The following ATP1A4 variants were observed in gnomAD, a reference collection of about 807,000 sequenced individuals.
ATP1A4 encodes sodium/potassium-transporting ATPase subunit alpha-4.
A neutral mutation model predicts 114.3 loss-of-function variants in ATP1A4; 90 were observed. That is an observed-to-expected ratio of 0.79 (90% CI 0.66 to 0.94). The LOEUF (loss-of-function observed/expected upper bound fraction) is 0.94, where lower values mean the gene tolerates loss of function less well. Among genes scored for constraint, ATP1A4 ranks in the 40% least tolerant of loss-of-function variants. The pLI is 0.00. For missense variants in ATP1A4, 1,222 were observed against 1,313.6 expected (o/e 0.93, Z 1.08); for synonymous variants, 511 against 494.1 (o/e 1.03, Z -0.45).
intron 18 of ATP1A4, among the ~76,000 whole-genome samples, chr1:160,178,355 C>CAAAA (rs1291789818): frequency 8.3e-6 from 1 of 121,024 alleles, no homozygotes; most frequent in Non-Finnish European, 1.7e-5. Context: ...AACTCTGTCT[C>CAAAA]AAAAAATAAA....
At chr1:160,152,318 A>T in intron 1 of ATP1A4, 131 bp downstream of exon 1, 1 of 1,050,686 alleles carries the variant, frequency 9.5e-7, no homozygotes, top group Non-Finnish European at 1.3e-6. Context: ...CTTTGGAGGG[A>T]AGGAGAGGGT....
At position 160,163,405 on chromosome 1, in the gene ATP1A4, C is replaced by T. The variant is rs570970554; in HGVS notation, c.779-751C>T. Among the ~76,000 whole-genome samples, 57 of 152,298 alleles carry T rather than the reference C, an allele frequency of 3.7e-4. 1 individual carries two copies. In the South Asian group the frequency reaches 0.01, roughly 28 times the overall value. ...CCCAGTCACAAGTCCTAGGTTATGG[C>T]CTGGCTATAAATTGGGGTTCCCACG... On this transcript the variant is annotated intron_variant, in intron 6 of 21. Coordinates refer to ENST00000368081, the MANE Select transcript of ATP1A4 (RefSeq NM_144699.4).
Position 160,177,574 on chromosome 1 carries a change from T to G in ATP1A4, c.2646T>G (p.Asn882Lys). ...CCTACTTTGTAATCCTGGCTGAGAA[T>G]GGTTTTAGGCCTGTTGATCTGCTGG... is the stretch of plus-strand genomic sequence containing the variant. ...FFTYFVILAE[N>K]GFRPVDLLGI... The change falls in exon 18 of 22, where the codon AAT becomes AAG. Residue 882 changes from asparagine (N) to lysine (K), a missense_variant. Transcript: ENST00000368081. The G allele has an allele frequency of 3.1e-6, 5 of 1,614,136 alleles. No individual in the cohort carries two copies. Among genetic ancestry groups the G allele is most frequent in the Non-Finnish European group, 4.2e-6 (5 of 1,180,016 alleles).
chr1:160,168,543 C>T (rs553997139), intron 10 of ATP1A4, among the ~76,000 whole-genome samples: 5 of 152,034 alleles, frequency 3.3e-5, no homozygotes, highest in South Asian at 2.1e-4. Context: ...CCACCACGCC[C>T]GGCTAATTTT....
At position 160,186,173 on chromosome 1, in the gene ATP1A4, T is replaced by G. The variant is rs892500071; in HGVS notation, c.2970-103T>G. The G allele has an allele frequency of 1.6e-5, 11 of 696,576 alleles. No homozygotes were observed. In the African/African-American group the frequency reaches 2.0e-4, roughly 13 times the overall value. 43.1% of individuals were successfully genotyped at this position (696,576 alleles called of 1,614,324 possible). Reference sequence around the variant, plus strand: ...ACCCAGCACAGTCCCACGCACACAGTAGACACAAGCAATGAAACGTGCAAT... The same window carrying G: ...ACCCAGCACAGTCCCACGCACACAGGAGACACAAGCAATGAAACGTGCAAT... On this transcript the variant is annotated intron_variant, in intron 20 of 21. Coordinates refer to ENST00000368081, the MANE Select transcript of ATP1A4 (RefSeq NM_144699.4).
intron 20 of ATP1A4, 97 bp from the exon 21 acceptor site, chr1:160,186,179 C>T (rs998465058): frequency 1.6e-5 from 13 of 810,640 alleles, no homozygotes; most frequent in Non-Finnish European, 2.8e-5. Flanking sequence ...ACAGTAGACA[C>T]AAGCAATGAA....
chr1:160,161,637 C>T (rs991633266), intron 6 of ATP1A4, among the ~76,000 whole-genome samples: 5 of 152,156 alleles, frequency 3.3e-5, no homozygotes, highest in East Asian at 1.9e-4. Flanking sequence ...CTCCTCCACC[C>T]GGCCCAAAAT....
At chr1:160,169,098 C>T (rs79327143) in intron 10 of ATP1A4, among the ~76,000 whole-genome samples, 3,749 of 152,328 alleles carry the variant, frequency 0.025, 134 homozygotes, top group African/African-American at 0.086. Flanking sequence ...AGTGGTTCAC[C>T]GAGTGTGACA....
intron 6 of ATP1A4, among the ~76,000 whole-genome samples, chr1:160,160,298 C>A (rs929895629): frequency 3.3e-5 from 5 of 152,090 alleles, no homozygotes; most frequent in African/African-American, 9.7e-5. Flanking sequence ...CTCACTGCAA[C>A]CTCTGCCTCC....
At chr1:160,186,129 C>A in intron 20 of ATP1A4, 147 bp from the exon 21 acceptor site, 11 of 427,916 alleles carry the variant, frequency 2.6e-5, no homozygotes, top group East Asian at 1.6e-4. Context: ...AGATCTTATT[C>A]AACTGCACTG....
chr1:160,166,989 C>T lies in ATP1A4; in HGVS notation c.1268C>T (p.Ser423Phe), dbSNP rs373007238. ...CTAGGAAAAACATTTACCAAGAGCT[C>T]TGATACCTGGTTTATGCTGGCCCGA... ...EQTGKTFTKS[S>F]DTWFMLARIA... is the part of the protein sequence containing the mutation. The change falls in exon 9 of 22, where the codon TCT becomes TTT. Residue 423 changes from serine to phenylalanine, a missense_variant. Coordinates refer to ENST00000368081, the MANE Select transcript of ATP1A4 (RefSeq NM_144699.4). The T allele has an allele frequency of 2.5e-6, 4 of 1,614,176 alleles. No homozygotes were observed. The South Asian group carries it at 3.3e-5, about 13-fold the overall frequency.
At chr1:160,157,999 T>G (rs1359063575) in intron 4 of ATP1A4, among the ~76,000 whole-genome samples, 2 of 152,226 alleles carry the variant, frequency 1.3e-5, no homozygotes, top group Non-Finnish European at 2.9e-5. Flanking sequence ...AGCCCAGGAT[T>G]TCCTTCTCTT....
At chr1:160,177,765 C>A in intron 18 of ATP1A4, 101 bp downstream of exon 18, 1 of 1,347,366 alleles carries the variant, frequency 7.4e-7, no homozygotes, top group South Asian at 1.3e-5. Context: ...AGGGAAGCAC[C>A]ACACAAACAG....
At chr1:160,168,342 G>A (rs1653114514) in intron 10 of ATP1A4, among the ~76,000 whole-genome samples, 1 of 144,976 alleles carries the variant, frequency 6.9e-6, no homozygotes, top group South Asian at 2.3e-4. Flanking sequence ...ATGTCTCAGA[G>A]AAAATGACAA....
At chr1:160,169,091 G>C (rs2101640288) in intron 10 of ATP1A4, among the ~76,000 whole-genome samples, 1 of 152,370 alleles carries the variant, frequency 6.6e-6, no homozygotes, top group East Asian at 1.9e-4. Flanking sequence ...TGTCCTCAGT[G>C]GTTCACCGAG....
intron 2 of ATP1A4, among the ~76,000 whole-genome samples, chr1:160,153,710 C>T (rs1241287589): frequency 1.3e-5 from 2 of 152,074 alleles, no homozygotes; most frequent in East Asian, 1.9e-4. Context: ...TTTTTGCAAA[C>T]CTCTTCAATG....
chr1:160,177,782 T>A (rs2101652058), intron 18 of ATP1A4, 118 bp downstream of exon 18: 1 of 1,167,268 alleles, frequency 8.6e-7, no homozygotes, highest in Non-Finnish European at 1.2e-6. Context: ...ACAGAGCTGA[T>A]GCCTTTTCTT....
In ATP1A4 at chr1:160,159,179, C is replaced by G. The variant is rs766161274; in HGVS notation, c.660+43C>G. 11 of 1,597,712 alleles carry G rather than the reference C, an allele frequency of 6.9e-6. No homozygotes were observed. In the East Asian group the frequency reaches 2.2e-4, roughly 33 times the overall value. ...GCTATGTGAGGGACCCAAGCGTGAT[C>G]TCATGGCAGGGTAGACACCTGGGCC... On this transcript the variant is annotated intron_variant, in intron 5 of 21. Transcript: ENST00000368081.
intron 1 of ATP1A4, 116 bp downstream of exon 1, chr1:160,152,303 T>G: frequency 8.0e-7 from 1 of 1,251,460 alleles, no homozygotes; most frequent in Non-Finnish European, 1.1e-6. Flanking sequence ...CTCTTCTCTG[T>G]TAGGCTTTGG....
Sources: gnomAD v4.1 joint callset for allele counts (sites outside exome capture counted in the v4.1 genomes callset) on GRCh38, gnomAD v4.1.1 for gene constraint, MANE v1.5 for transcripts, NCBI Gene and HGNC (gene_info 2026-07-23, HGNC 2026-07-21) for gene names.